The following TCF4 variants were observed in gnomAD, a reference collection of about 807,000 sequenced individuals.
The protein encoded by TCF4 is transcription factor 4.
Under a neutral mutation model 82.1 loss-of-function variants are expected in TCF4, and 3 were observed. The ratio of observed to expected loss-of-function variants is 0.04; its 90% confidence interval spans 0.02 to 0.09. TCF4 has a LOEUF of 0.09. Ranked by LOEUF, TCF4 falls within the 10% of genes least tolerant of loss-of-function variation. The pLI is 1.00. For synonymous variants in TCF4, 276 were observed against 309.6 expected (o/e 0.89, Z 1.14); for missense variants, 518 against 852.7 (o/e 0.61, Z 4.89).
At chr18:55,501,696 A>G (rs2096704001) in intron 3 of TCF4, among the ~76,000 whole-genome samples, 1 of 151,864 alleles carries the variant, frequency 6.6e-6, no homozygotes, top group Admixed American at 6.6e-5. Context: ...AGGAAGCATC[A>G]TCTTTGGGAG....
At chr18:55,233,545 G>A (rs2048469321) in intron 16 of TCF4, among the ~76,000 whole-genome samples, 1 of 152,158 alleles carries the variant, frequency 6.6e-6, no homozygotes, top group Non-Finnish European at 1.5e-5. Flanking sequence ...GCCAGTTGTG[G>A]TGGTTCACAC....
At chr18:55,500,842 A>G (rs12327270) in intron 3 of TCF4, among the ~76,000 whole-genome samples, 16,437 of 152,202 alleles carry the variant, frequency 0.11, 1,322 homozygotes, top group South Asian at 0.22. Flanking sequence ...TTATATCACA[A>G]AGAATGAGCT....
chr18:55,542,762 A>G (rs541335723), intron 3 of TCF4, among the ~76,000 whole-genome samples: 3 of 152,042 alleles, frequency 2.0e-5, no homozygotes, highest in Non-Finnish European at 2.9e-5. Flanking sequence ...GCAAAATCCA[A>G]TGGAAAACAC....
At chr18:55,400,168 G>C (rs148488535) in intron 6 of TCF4, among the ~76,000 whole-genome samples, 1 of 152,092 alleles carries the variant, frequency 6.6e-6, no homozygotes, top group East Asian at 1.9e-4. Context: ...TTTCCCTTCT[G>C]GCATTTGCAA....
intron 8 of TCF4, chr18:55,331,954 A>G (rs2077651148): frequency 6.6e-6 from 1 of 152,202 alleles, no homozygotes; most frequent in African/African-American, 2.4e-5. Context: ...CTCTCTCAAT[A>G]CAATAACTAA....
intron 6 of TCF4, among the ~76,000 whole-genome samples, chr18:55,395,318 T>C (rs771088977): frequency 5.9e-5 from 9 of 152,226 alleles, no homozygotes; most frequent in Admixed American, 6.5e-5. Flanking sequence ...TCTTTACACC[T>C]ATCAGAAACA....
rs1317388340 is a variant in TCF4, at chr18:55,360,748, G to A, written c.370-9745C>T. 1.0e-3 allele frequency among the ~76,000 whole-genome samples: 67 copies of A among 66,026 alleles called. 1 individual carries two copies. Among genetic ancestry groups the A allele is most frequent in the African/African-American group, 5.6e-3 (67 of 12,020 alleles). 43.3% of individuals were successfully genotyped at this position (66,026 alleles called of 152,430 possible). A position where few individuals can be genotyped will look rare whatever the true frequency, so the allele number is the denominator to read the frequency against. On this transcript the variant is annotated intron_variant, in intron 6 of 19. Transcript: ENST00000354452. The stretch of plus-strand genomic sequence containing the variant: ...CCCCCACCCTTTTTTTTTTTTTTTT[G>A]AGAGAAGTCTCACTCTGCCACCAGG...
intron 2 of TCF4, 183 bp downstream of exon 2, chr18:55,586,862 T>A (rs2147878294): frequency 9.7e-6 from 5 of 515,780 alleles, no homozygotes; most frequent in East Asian, 3.6e-5. Flanking sequence ...AAAGCCTGAA[T>A]CTTCCATCAC....
intron 2 of TCF4, among the ~76,000 whole-genome samples, chr18:55,598,383 T>G (rs577199772): frequency 6.6e-6 from 1 of 152,328 alleles, no homozygotes; most frequent in South Asian, 2.1e-4. Context: ...TTTTCTATTT[T>G]GTATTTTTTA....
At chr18:55,352,001 C>G (rs1406259876) in intron 6 of TCF4, 3 of 695,582 alleles carry the variant, frequency 4.3e-6, no homozygotes, top group Admixed American at 6.3e-5. Context: ...TAATTACTGT[C>G]CTTGATAAAG....
chr18:55,511,222 T>G (rs2096824591), intron 3 of TCF4, among the ~76,000 whole-genome samples: 1 of 150,918 alleles, frequency 6.6e-6, no homozygotes, highest in Non-Finnish European at 1.5e-5. Flanking sequence ...CGAACACAGT[T>G]CAGCAAAGTA....
intron 3 of TCF4, among the ~76,000 whole-genome samples, chr18:55,554,085 G>C (rs2097283184): frequency 6.6e-6 from 1 of 151,944 alleles, no homozygotes; most frequent in Admixed American, 6.6e-5. Flanking sequence ...AAGATTTGCA[G>C]AACAGATTTA....
intron 9 of TCF4, among the ~76,000 whole-genome samples, chr18:55,277,491 C>A (rs938872042): frequency 6.6e-6 from 1 of 151,974 alleles, no homozygotes; most frequent in Non-Finnish European, 1.5e-5. Flanking sequence ...ATGCTTTTCA[C>A]AGTAAATTAA....
At chr18:55,329,079 A>G (rs1453112687) in intron 8 of TCF4, among the ~76,000 whole-genome samples, 3 of 152,218 alleles carry the variant, frequency 2.0e-5, no homozygotes, top group Non-Finnish European at 2.9e-5. Context: ...TAAAGGAAAA[A>G]CAAAACATAA....
intron 10 of TCF4, among the ~76,000 whole-genome samples, chr18:55,275,275 GAA>G (rs533160424): frequency 2.4e-4 from 17 of 71,364 alleles, no homozygotes; most frequent in South Asian, 1.3e-3. Flanking sequence ...ACTACAGATA[GAA>G]AAAAAAAAAA....
intron 5 of TCF4, among the ~76,000 whole-genome samples, chr18:55,420,513 A>G (rs2094695537): frequency 6.6e-6 from 1 of 152,184 alleles, no homozygotes; most frequent in Admixed American, 6.5e-5. Context: ...ACTCAGTCAC[A>G]TAAGCCACCA....
intron 3 of TCF4, among the ~76,000 whole-genome samples, chr18:55,568,428 T>A (rs2097429277): frequency 6.6e-6 from 1 of 151,740 alleles, no homozygotes; most frequent in African/African-American, 2.4e-5. Context: ...TTTGTATAAC[T>A]TTATGGTAAT....
intron 5 of TCF4, among the ~76,000 whole-genome samples, chr18:55,437,718 G>T (rs936249942): frequency 6.6e-6 from 1 of 152,158 alleles, no homozygotes; most frequent in African/African-American, 2.4e-5. Context: ...CGGAGCCCAG[G>T]CATCTGCAGT....
At chr18:55,376,478 C>G (rs2090778243) in intron 6 of TCF4, among the ~76,000 whole-genome samples, 1 of 152,152 alleles carries the variant, frequency 6.6e-6, no homozygotes, top group Non-Finnish European at 1.5e-5. Context: ...AGAATCAGGT[C>G]TAGAATCCAG....
Sources: allele counts gnomAD v4.1 joint callset (sites outside exome capture counted in the v4.1 genomes callset), GRCh38; gene constraint gnomAD v4.1.1; transcripts MANE v1.5; gene names NCBI Gene and HGNC (gene_info 2026-07-23, HGNC 2026-07-21).